The following ZNF334 variants were observed in gnomAD, a reference collection of about 807,000 sequenced individuals.
The protein encoded by ZNF334 is zinc finger protein 334.
In ZNF334, 14 loss-of-function variants were observed where a neutral mutation model predicts 12.4. That is an observed-to-expected ratio of 1.13 (90% CI 0.74 to 1.76). The LOEUF is 1.76. ZNF334 is among the 40% of genes most tolerant of loss of function. The pLI is 0.00. For synonymous variants in ZNF334, 273 were observed against 269.6 expected (o/e 1.01, Z -0.12); for missense variants, 797 against 804.5 (o/e 0.99, Z 0.11).
At chr20:46,491,810 A>G in the ZNF334 span, 3 of 153,428 alleles carry the variant, frequency 2.0e-5, no homozygotes, top group East Asian at 5.8e-4. Flanking sequence ...AACTCATTCT[A>G]TAGGGAGGCC....
chr20:46,483,187 G>A, the ZNF334 span, among the ~76,000 whole-genome samples: 5,714 of 152,210 alleles, frequency 0.038, 114 homozygotes, highest in South Asian at 0.1. Flanking sequence ...AATATAATGC[G>A]CATTTAATTG....
chr20:46,511,966 T>G (rs994645076), intron 2 of ZNF334, 116 bp downstream of exon 2: 2 of 999,336 alleles, frequency 2.0e-6, no homozygotes, highest in East Asian at 2.5e-5. Flanking sequence ...TTTCCAGTAT[T>G]GATCGAATAC....
At chr20:46,494,905 G>A (rs1362585943), downstream of ZNF334, among the ~76,000 whole-genome samples, 2 of 152,052 alleles carry the variant, frequency 1.3e-5, no homozygotes, top group African/African-American at 4.8e-5. Context: ...ATATTTCCTA[G>A]GCGCTGTCAC....
the ZNF334 span, among the ~76,000 whole-genome samples, chr20:46,472,471 GC>G: frequency 6.6e-6 from 1 of 152,170 alleles, no homozygotes; most frequent in Non-Finnish European, 1.5e-5. Flanking sequence ...GCCAAGGAAG[GC>G]CTGAGAAGAT....
At chr20:46,469,456 C>A in the ZNF334 span, among the ~76,000 whole-genome samples, 7 of 151,866 alleles carry the variant, frequency 4.6e-5, no homozygotes, top group Non-Finnish European at 1.0e-4. Flanking sequence ...GCAAGCTCCG[C>A]CTCCCAGGTT....
At position 46,511,229 on chromosome 20, in the gene ZNF334, T is replaced by TA. The variant is rs11288508; in HGVS notation, c.21+852dup. 2.5e-3 allele frequency among the ~76,000 whole-genome samples: 335 copies of TA among 132,188 alleles called. 1 individual carries two copies. Among genetic ancestry groups the TA allele is most frequent in the East Asian group, 0.011 (49 of 4,456 alleles). The allele number at this position is 132,188 out of a possible 152,430, so 86.7% of individuals were successfully genotyped here. ...CAACATAGTGAGACCTCATCTCAAT[T>TA]AAAAAAAAAAAAAAAAGACATGATT... On this transcript the variant is annotated intron_variant, in intron 2 of 4. Transcript: ENST00000692313.
the ZNF334 span, among the ~76,000 whole-genome samples, chr20:46,471,462 T>A: frequency 6.6e-6 from 1 of 152,256 alleles, no homozygotes; most frequent in Non-Finnish European, 1.5e-5. Flanking sequence ...TTAATTTTAA[T>A]GTAGTCAAAT....
chr20:46,468,674 T>C, the ZNF334 span, among the ~76,000 whole-genome samples: 1 of 152,186 alleles, frequency 6.6e-6, no homozygotes, highest in Admixed American at 6.5e-5. Flanking sequence ...TGTCAGGCTG[T>C]TGCCATGGAA....
intron 3 of ZNF334, 37 bp from the exon 4 acceptor site, chr20:46,504,343 T>G (rs1601035122): frequency 6.4e-7 from 1 of 1,564,016 alleles, no homozygotes; most frequent in East Asian, 2.2e-5. Flanking sequence ...GACCAAGATC[T>G]TTGGACATCA....
At chr20:46,471,559 A>G in the ZNF334 span, among the ~76,000 whole-genome samples, 2 of 152,198 alleles carry the variant, frequency 1.3e-5, no homozygotes, top group African/African-American at 4.8e-5. Flanking sequence ...ATATTGTCCT[A>G]TTATATCACC....
rs1461125297 is a variant in ZNF334 at position 46,501,711 on chromosome 20, G to C, written c.1628C>G (p.Pro543Arg). 3.1e-6 allele frequency: 5 copies of C among 1,614,012 alleles called. No homozygotes were observed. Among genetic ancestry groups the C allele is most frequent in the African/African-American group, 1.3e-5 (1 of 74,908 alleles). Reference sequence around the variant, plus strand: ...TCTCCCACATTCATTGCATTCATATGGTCTCTCCCATATAGTTCTCTGATG... The same window carrying C: ...TCTCCCACATTCATTGCATTCATATCGTCTCTCCCATATAGTTCTCTGATG... ...IVHQRTIWER[P>R]YECNECGRTY... The change falls in exon 5 of 5, where the codon CCA (proline) becomes CGA (arginine). Residue 543 changes from proline to arginine, a missense_variant. Coordinates refer to ENST00000692313, the MANE Select transcript of ZNF334 (RefSeq NM_001353824.2).
chr20:46,470,298 T>C, the ZNF334 span, among the ~76,000 whole-genome samples: 60,920 of 152,014 alleles, frequency 0.4, 14,751 homozygotes, highest in African/African-American at 0.69. Context: ...CTCCTCCTAC[T>C]TTGCCTTCCA....
chr20:46,491,869 TAACC>T, the ZNF334 span: 1 of 154,060 alleles, frequency 6.5e-6, no homozygotes, highest in Non-Finnish European at 1.5e-5. Context: ...ACTGGGAACT[TAACC>T]AACATAAAAA....
rs2061218834 is a variant in ZNF334, at chr20:46,502,230, GT to G, written c.1108del (p.Thr370LeufsTer84). On this transcript the variant is annotated frameshift_variant, in exon 5 of 5. Coordinates refer to ENST00000692313, the MANE Select transcript of ZNF334 (RefSeq NM_001353824.2). LOFTEE classifies it low-confidence loss of function (END_TRUNC). ...TTCATTTGGCTTCTCTCCTCTGTGA[GT>G]TCTTTGATGTACAACAAGATACGAT... ...KKSYLVVHQR[T>X]HRGEKPNECK... 6.2e-7 allele frequency: 1 copy of G among 1,614,040 alleles called. No individual in the cohort carries two copies. Among genetic ancestry groups the G allele is most frequent in the Non-Finnish European group, 8.5e-7 (1 of 1,180,012 alleles).
the ZNF334 span, among the ~76,000 whole-genome samples, chr20:46,483,396 A>G: frequency 6.6e-6 from 1 of 151,498 alleles, no homozygotes; most frequent in Admixed American, 6.6e-5. Flanking sequence ...TTTCACAGAG[A>G]TTTTTCTCCT....
the ZNF334 span, among the ~76,000 whole-genome samples, chr20:46,468,781 T>C: frequency 6.6e-6 from 1 of 152,174 alleles, no homozygotes; most frequent in Admixed American, 6.5e-5. Flanking sequence ...GCTTCTTCCC[T>C]GTTTTAGCTA....
intron 2 of ZNF334, 175 bp from the exon 3 acceptor site, chr20:46,504,915 A>T (rs1030022249): frequency 7.4e-6 from 4 of 537,788 alleles, no homozygotes; most frequent in Non-Finnish European, 1.3e-5. Flanking sequence ...AATGAATTTT[A>T]AAAATGTGCT....
downstream of ZNF334, among the ~76,000 whole-genome samples, chr20:46,495,443 T>C (rs760845741): frequency 6.6e-6 from 1 of 151,862 alleles, no homozygotes; most frequent in Non-Finnish European, 1.5e-5. Flanking sequence ...TTAACCCTTT[T>C]AAAGATTAAA....
intron 2 of ZNF334, among the ~76,000 whole-genome samples, chr20:46,507,840 T>C (rs558070309): frequency 2.6e-4 from 39 of 152,366 alleles, no homozygotes; most frequent in African/African-American, 8.9e-4. Flanking sequence ...ATTTCTTCCA[T>C]GAATTACTTC....
Sources: allele counts gnomAD v4.1 joint callset (sites outside exome capture counted in the v4.1 genomes callset), GRCh38; gene constraint gnomAD v4.1.1; transcripts MANE v1.5; gene names NCBI Gene and HGNC (gene_info 2026-07-23, HGNC 2026-07-21).